The following HDAC8 variants were observed in gnomAD, a reference collection of about 807,000 sequenced individuals.
The protein encoded by HDAC8 is histone deacetylase-like 1.
A neutral mutation model predicts 32.2 loss-of-function variants in HDAC8; 1 was observed. The ratio of observed to expected loss-of-function variants is 0.03; its 90% CI spans 0.01 to 0.15. The LOEUF (loss-of-function observed/expected upper bound fraction) is 0.15. Ranked by LOEUF, HDAC8 falls within the 10% of genes least tolerant of loss-of-function variation. The pLI is 1.00. For missense variants in HDAC8, 117 were observed against 300.0 expected (o/e 0.39, Z 4.51); for synonymous variants, 108 against 113.9 (o/e 0.95, Z 0.33).
intron 4 of HDAC8, among the ~76,000 whole-genome samples, chrX:72,557,679 A>G (rs1556099243): frequency 9.0e-6 from 1 of 111,543 alleles, no homozygotes; most frequent in African/African-American, 3.3e-5. Context: ...GAAACTGGAG[A>G]AACAAGAACA....
intron 9 of HDAC8, among the ~76,000 whole-genome samples, chrX:72,394,010 T>C (rs1363595080): frequency 2.7e-5 from 3 of 111,031 alleles, no homozygotes; most frequent in Non-Finnish European, 5.7e-5. Flanking sequence ...CCAGTTACTC[T>C]GTGCAGAGCC....
At chrX:72,402,758 T>C (rs1243639283) in intron 9 of HDAC8, among the ~76,000 whole-genome samples, 1 of 111,667 alleles carries the variant, frequency 9.0e-6, no homozygotes, top group African/African-American at 3.3e-5. Flanking sequence ...AATGTAATAT[T>C]CTGTTTGTCT....
chrX:72,560,465 C>T (rs2051506683), intron 4 of HDAC8, among the ~76,000 whole-genome samples: 1 of 106,369 alleles, frequency 9.4e-6, no homozygotes, highest in African/African-American at 3.4e-5. Flanking sequence ...ACCAGAGACC[C>T]TTGTTCACTT....
intron 9 of HDAC8, among the ~76,000 whole-genome samples, chrX:72,370,868 C>T (rs569816704): frequency 5.4e-5 from 6 of 111,760 alleles, no homozygotes; most frequent in South Asian, 3.8e-4. Context: ...ATTCTAGCTG[C>T]GCTGGCAGCT....
intron 4 of HDAC8, among the ~76,000 whole-genome samples, chrX:72,523,949 T>C (rs1188277308): frequency 1.8e-5 from 2 of 111,609 alleles, no homozygotes; most frequent in Non-Finnish European, 3.8e-5. Flanking sequence ...ATATTCTGTA[T>C]ACCATACACA....
rs782362319 is a variant in HDAC8, at chrX:72,549,123, C to T, written c.437+18766G>A. ...ATATCACTTCTGTTGCAGATGCATG[C>T]GCTACAGTATCAGACATTGCTATTC... On this transcript the variant is annotated intron_variant, in intron 4 of 10. Coordinates refer to ENST00000373573, the MANE Select transcript of HDAC8 (RefSeq NM_018486.3). 2.7e-5 allele frequency among the ~76,000 whole-genome samples: 3 copies of T among 111,654 alleles called. No individual in the cohort carries two copies. The South Asian group carries it at 1.1e-3, about 43-fold the overall frequency.
chrX:72,373,590 T>C (rs1415265190), intron 9 of HDAC8, among the ~76,000 whole-genome samples: 1 of 112,604 alleles, frequency 8.9e-6, no homozygotes, highest in African/African-American at 3.2e-5. Context: ...GATACACATT[T>C]TGTTTATCCA....
At chrX:72,336,764 T>C (rs2043700693) in intron 10 of HDAC8, among the ~76,000 whole-genome samples, 1 of 110,211 alleles carries the variant, frequency 9.1e-6, no homozygotes, top group Non-Finnish European at 1.9e-5. Flanking sequence ...TAATTTTTTT[T>C]TTTGAGACAG....
chrX:72,557,670 A>C (rs896506828), intron 4 of HDAC8, among the ~76,000 whole-genome samples: 1 of 111,393 alleles, frequency 9.0e-6, no homozygotes, highest in Non-Finnish European at 1.9e-5. Flanking sequence ...ACACCTCATG[A>C]AACTGGAGAA....
At chrX:72,491,302 C>T (rs782118910) in intron 5 of HDAC8, among the ~76,000 whole-genome samples, 2 of 111,664 alleles carry the variant, frequency 1.8e-5, no homozygotes, top group Admixed American at 1.9e-4. Flanking sequence ...CTTTGACAAC[C>T]TGTTCTAAAA....
chrX:72,367,199 C>T lies in HDAC8; in HGVS notation c.1006-15361G>A, dbSNP rs370117694. Reference sequence around the variant, plus strand: ...TAAGGCAAGGGTACTGTGAACATAGCGGGGAGCCTGTTCCACAGTTGTAGA... The same window carrying T: ...TAAGGCAAGGGTACTGTGAACATAGTGGGGAGCCTGTTCCACAGTTGTAGA... On this transcript the variant is annotated intron_variant, in intron 9 of 10. Coordinates refer to ENST00000373573, the MANE Select transcript of HDAC8 (RefSeq NM_018486.3). Among the ~76,000 whole-genome samples, 6 of 111,926 alleles carry T rather than the reference C, an allele frequency of 5.4e-5. No homozygotes were observed. In the East Asian group the frequency reaches 8.5e-4, roughly 16 times the overall value.
intron 9 of HDAC8, among the ~76,000 whole-genome samples, chrX:72,460,482 C>T (rs782226075): frequency 2.7e-5 from 3 of 111,561 alleles, no homozygotes; most frequent in East Asian, 2.8e-4. Flanking sequence ...CAGGGAACTA[C>T]GTGTTAGGCA....
intron 4 of HDAC8, among the ~76,000 whole-genome samples, chrX:72,532,100 G>A (rs933374378): frequency 2.7e-5 from 3 of 110,294 alleles, no homozygotes; most frequent in Non-Finnish European, 5.7e-5. Flanking sequence ...ATTTTATTTT[G>A]AGACAAGATC....
intron 9 of HDAC8, among the ~76,000 whole-genome samples, chrX:72,427,407 C>T (rs2046672417): frequency 9.0e-6 from 1 of 110,817 alleles, no homozygotes; most frequent in Non-Finnish European, 1.9e-5. Flanking sequence ...CCATGGAATA[C>T]TATGCAGCCA....
At chrX:72,561,891 A>G (rs2051574714) in intron 4 of HDAC8, among the ~76,000 whole-genome samples, 1 of 112,340 alleles carries the variant, frequency 8.9e-6, no homozygotes, top group African/African-American at 3.2e-5. Context: ...ACAATTCTCA[A>G]AAGAAGATAT....
chrX:72,488,029 C>T (rs1401529427), intron 7 of HDAC8, among the ~76,000 whole-genome samples: 2 of 110,439 alleles, frequency 1.8e-5, no homozygotes, highest in East Asian at 2.8e-4. Flanking sequence ...TGCTGAATAA[C>T]TGAATGATGA....
At chrX:72,514,069 C>G (rs1556023412) in intron 4 of HDAC8, among the ~76,000 whole-genome samples, 1 of 112,328 alleles carries the variant, frequency 8.9e-6, no homozygotes, top group East Asian at 2.8e-4. Context: ...AAGTGGGTGG[C>G]TATCACCAGC....
chrX:72,427,608 G>T (rs782504598), intron 9 of HDAC8, among the ~76,000 whole-genome samples: 23 of 84,968 alleles, frequency 2.7e-4, no homozygotes, highest in South Asian at 8.8e-4. Context: ...GGGGTGGGGG[G>T]GGGGAGGGAT....
intron 4 of HDAC8, among the ~76,000 whole-genome samples, chrX:72,545,726 G>C (rs1249331598): frequency 8.9e-6 from 1 of 112,032 alleles, no homozygotes; most frequent in African/African-American, 3.2e-5. Flanking sequence ...TATTGACAGA[G>C]AATGATCTGG....
Sources: gnomAD v4.1 joint callset for allele counts (sites outside exome capture counted in the v4.1 genomes callset) on GRCh38, gnomAD v4.1.1 for gene constraint, MANE v1.5 for transcripts, NCBI Gene and HGNC (gene_info 2026-07-23, HGNC 2026-07-21) for gene names.